The following TPD52L2 variants were observed in gnomAD, a reference collection of about 807,000 sequenced individuals.
TPD52L2 encodes tumor protein D54.
Under a neutral mutation model 24.7 loss-of-function variants are expected in TPD52L2, and 19 were observed. That is an observed-to-expected ratio of 0.77 (90% CI 0.54 to 1.13). The LOEUF is 1.13. Ranked by LOEUF, TPD52L2 falls within the 50% of genes most tolerant of loss-of-function variation. The pLI is 0.00. For missense variants in TPD52L2, 236 were observed against 250.4 expected, an observed-to-expected ratio of 0.94 and a Z score of 0.39; for synonymous variants, 104 against 100.2, an observed-to-expected ratio of 1.04 and a Z score of -0.23.
At chr20:63,884,905 G>C (rs1247447613) in intron 5 of TPD52L2, among the ~76,000 whole-genome samples, 1 of 152,226 alleles carries the variant, frequency 6.6e-6, no homozygotes, top group Non-Finnish European at 1.5e-5. Context: ...GTCTTGCCCT[G>C]CTTGCTCCTC....
chr20:63,889,395 C>T (rs934623066), intron 6 of TPD52L2, among the ~76,000 whole-genome samples, 157 bp downstream of exon 6: 11 of 152,088 alleles, frequency 7.2e-5, no homozygotes, highest in South Asian at 4.1e-4. Flanking sequence ...TCTCCTGTGA[C>T]GACATCTTGG....
chr20:63,869,175 G>C, intron 1 of TPD52L2, 121 bp from the exon 2 acceptor site: 1 of 1,099,878 alleles, frequency 9.1e-7, no homozygotes, highest in Non-Finnish European at 1.4e-6. Context: ...TCAGAGAAGA[G>C]GTGTTAGTCT....
chr20:63,885,900 C>T, intron 5 of TPD52L2: 9 of 1,087,274 alleles, frequency 8.3e-6, no homozygotes, highest in Non-Finnish European at 1.1e-5. Context: ...CCTGCTGGGC[C>T]TGACTGAGCA....
At chr20:63,882,688 G>A in intron 4 of TPD52L2, 31 bp from the exon 5 acceptor site, 2 of 1,583,940 alleles carry the variant, frequency 1.3e-6, no homozygotes, top group Non-Finnish European at 1.7e-6. Flanking sequence ...CGCCCATGCT[G>A]TCTGGTTGAT....
Position 63,865,336 on chromosome 20 carries a change from C to T in TPD52L2, c.-30C>T, listed in dbSNP as rs1212327189. ...GCCGCCCGCTCGGCTCCCATAGCGC[C>T]CGCGACAGCGGTCCGGACGCCGCCC... On this transcript the variant is annotated 5_prime_UTR_variant, in exon 1 of 7. Transcript: ENST00000346249. The T allele has an allele frequency of 2.6e-6, 4 of 1,521,094 alleles. No individual in the cohort carries two copies. The highest frequency in any genetic ancestry group is 1.4e-5 in the African/African-American group (1 of 71,172). 94.2% of individuals were successfully genotyped at this position (1,521,094 alleles called of 1,614,324 possible).
chr20:63,869,178 G>A (rs988785889), intron 1 of TPD52L2, 118 bp from the exon 2 acceptor site: 35 of 1,154,328 alleles, frequency 3.0e-5, no homozygotes, highest in Non-Finnish European at 4.5e-5. Context: ...GAGAAGAGGT[G>A]TTAGTCTCCA....
chr20:63,885,922 C>A, intron 5 of TPD52L2: 1 of 1,364,658 alleles, frequency 7.3e-7, no homozygotes, highest in Non-Finnish European at 1.0e-6. Flanking sequence ...GAGCAGGGGG[C>A]CTCCCCTGGG....
chr20:63,868,214 T>G (rs2052334091), intron 1 of TPD52L2, among the ~76,000 whole-genome samples: 1 of 152,214 alleles, frequency 6.6e-6, no homozygotes, highest in African/African-American at 2.4e-5. Flanking sequence ...CGCCTGGCAG[T>G]AAGCCTGTTT....
chr20:63,872,997 G>A (rs897570560), intron 2 of TPD52L2, among the ~76,000 whole-genome samples: 3 of 151,886 alleles, frequency 2.0e-5, no homozygotes, highest in African/African-American at 4.8e-5. Context: ...ACAGGCATGC[G>A]CCACTGCGCC....
rs1266836178 is a variant in TPD52L2 at position 63,869,367 on chromosome 20, G to A, written c.91G>A (p.Val31Met). Residue 31 changes from valine to methionine, a missense_variant, in exon 2 of 7, where the codon GTG becomes ATG. Physicochemically the swap from Val to Met is conservative, Grantham distance 21. Transcript: ENST00000346249. ...GACGGATGTTCCTGTCGACACAGGT[G>A]TGGCTGCCCGGACTCCTGCTGTTGA... ...SMTDVPVDTG[V>M]AARTPAVEGL... The A allele has an allele frequency of 3.7e-6, 6 of 1,614,246 alleles. No individual in the cohort carries two copies. The highest frequency in any genetic ancestry group is 5.1e-6 in the Non-Finnish European group (6 of 1,180,042).
At chr20:63,886,879 G>A (rs191736242) in intron 5 of TPD52L2, 136 of 154,180 alleles carry the variant, frequency 8.8e-4, no homozygotes, top group African/African-American at 2.3e-3. Flanking sequence ...TCCTGACCTC[G>A]TGATCCACCC....
intron 6 of TPD52L2, 102 bp from the exon 7 acceptor site, chr20:63,889,748 G>A (rs910398376): frequency 6.1e-6 from 7 of 1,141,258 alleles, no homozygotes; most frequent in Non-Finnish European, 8.8e-6. Context: ...CAGTGTTCGT[G>A]TTACATAAGC....
intron 5 of TPD52L2, among the ~76,000 whole-genome samples, chr20:63,886,410 G>C (rs991541879): frequency 6.6e-6 from 1 of 151,830 alleles, no homozygotes; most frequent in Non-Finnish European, 1.5e-5. Context: ...GCCCAGGTTG[G>C]AGTGCCGTGG....
At position 63,874,377 on chromosome 20, in the gene TPD52L2, T is replaced by A. The variant is rs961249620; in HGVS notation, c.314+561T>A. On this transcript the variant is annotated intron_variant, in intron 3 of 6. Coordinates refer to ENST00000346249, the MANE Select transcript of TPD52L2 (RefSeq NM_003288.4). ...ACCACGCTGGCCTTTTTTTTTTTTT[T>A]ATTATTATTCTTTTTTGAGATGGTT... is the stretch of plus-strand genomic sequence containing the variant. Among the ~76,000 whole-genome samples the A allele has an allele frequency of 1.1e-4, 16 of 146,782 alleles. No homozygotes were observed. The East Asian group carries it at 2.1e-3, about 19-fold the overall frequency.
intron 5 of TPD52L2, chr20:63,887,810 C>G: frequency 3.3e-6 from 2 of 607,970 alleles, no homozygotes; most frequent in Non-Finnish European, 5.8e-6. Context: ...GGCTCTTCAC[C>G]TGCAGCCTCC....
chr20:63,874,140 C>T (rs2052570682), intron 3 of TPD52L2, among the ~76,000 whole-genome samples: 2 of 151,748 alleles, frequency 1.3e-5, no homozygotes, highest in Admixed American at 6.6e-5. Flanking sequence ...CAACCTCTGC[C>T]CCCCGGGTTC....
intron 3 of TPD52L2, among the ~76,000 whole-genome samples, chr20:63,875,192 C>T (rs2052626370): frequency 6.6e-6 from 1 of 150,636 alleles, no homozygotes; most frequent in South Asian, 2.1e-4. Context: ...ACCATATGGT[C>T]CCACAACCCT....
At chr20:63,865,559 T>C (rs2052183327) in intron 1 of TPD52L2, among the ~76,000 whole-genome samples, 175 bp downstream of exon 1, 1 of 152,008 alleles carries the variant, frequency 6.6e-6, no homozygotes, top group Non-Finnish European at 1.5e-5. Context: ...TCGTGGTGTG[T>C]TTTTTGCCCG....
In TPD52L2 at chr20:63,877,908, G is replaced by T. The variant is rs2052751357; in HGVS notation, c.374+2033G>T. 6.6e-6 allele frequency among the ~76,000 whole-genome samples: 1 copy of T among 152,276 alleles called. No individual in the cohort carries two copies. Among genetic ancestry groups the T allele is most frequent in the African/African-American group, 2.4e-5 (1 of 41,480 alleles). On this transcript the variant is annotated intron_variant, in intron 4 of 6. Coordinates refer to ENST00000346249, the MANE Select transcript of TPD52L2 (RefSeq NM_003288.4). The surrounding 1 kb of genome is among the most constrained non-coding windows in gnomAD (Gnocchi z 4.1). ...TCTGCCGGGACGGCCCAGGCCGAGG[G>T]CGATGGTTTCTGGTGGGAAGGCCCA...
Sources: allele counts gnomAD v4.1 joint callset (sites outside exome capture counted in the v4.1 genomes callset), GRCh38; gene constraint gnomAD v4.1.1; non-coding constraint Gnocchi (gnomAD v3.1); transcripts MANE v1.5; gene names NCBI Gene and HGNC (gene_info 2026-07-23, HGNC 2026-07-21).